The following CEP104 variants were observed in gnomAD, a reference collection of about 807,000 sequenced individuals.
CEP104 encodes the protein centrosomal protein of 104 kDa.
A neutral mutation model predicts 113.3 loss-of-function variants in CEP104; 84 were observed. That is an observed-to-expected ratio of 0.74 (90% CI 0.62 to 0.89). The LOEUF (loss-of-function observed/expected upper bound fraction) is 0.89, where lower values mean the gene tolerates loss of function less well. CEP104 is among the 40% of genes least tolerant of loss of function. The pLI, the probability that CEP104 is intolerant of heterozygous loss-of-function variation, is 0.00. For synonymous variants in CEP104, 378 were observed against 421.7 expected (o/e 0.90, Z 1.27); for missense variants, 1,053 against 1,156.6 (o/e 0.91, Z 1.30).
At chr1:3,821,890 A>G (rs1643980867) in intron 20 of CEP104, among the ~76,000 whole-genome samples, 2 of 152,204 alleles carry the variant, frequency 1.3e-5, no homozygotes, top group Admixed American at 6.5e-5. Context: ...CCAACCAGGC[A>G]CCGGGGCCTT....
At position 3,848,660 on chromosome 1, in the gene CEP104, T is replaced by C; in HGVS notation, c.235A>G (p.Ser79Gly). 6.2e-7 allele frequency: 1 copy of C among 1,613,824 alleles called. No homozygotes were observed. The change falls in exon 3 of 22, where the codon AGC (serine) becomes GGC (glycine). Residue 79 changes from serine to glycine, a missense_variant. Coordinates refer to ENST00000378230, the MANE Select transcript of CEP104 (RefSeq NM_014704.4). ...SSKIEFYISE[S>G]LPEYFAPYQA... is the part of the protein sequence containing the mutation. The stretch of plus-strand genomic sequence containing the variant: ...TAGGGTGCAAAATATTCAGGCAAGC[T>C]TTCACTAATGTAGAACTCAATTTTA...
intron 17 of CEP104, 77 bp downstream of exon 17, chr1:3,826,293 C>T (rs1012194349): frequency 6.2e-5 from 78 of 1,265,176 alleles, no homozygotes; most frequent in South Asian, 1.4e-4. Flanking sequence ...CTAGGGAGGA[C>T]GCATTCCCTT....
At chr1:3,839,464 G>T in intron 7 of CEP104, 144 bp downstream of exon 7, 2 of 769,506 alleles carry the variant, frequency 2.6e-6, no homozygotes, top group Non-Finnish European at 4.2e-6. Context: ...ATCTGTCTCC[G>T]TAACTTTATT....
intron 7 of CEP104, 139 bp from the exon 8 acceptor site, chr1:3,839,258 A>T (rs1644370991): frequency 1.3e-6 from 1 of 769,018 alleles, no homozygotes; most frequent in South Asian, 1.6e-5. Context: ...AATGGGCCAC[A>T]CTCAGCAAAG....
Position 3,814,415 on chromosome 1 carries a change from T to C in CEP104, c.*987A>G, listed in dbSNP as rs972410894. The C allele has an allele frequency of 7.9e-5, 12 of 152,282 alleles. No individual in the cohort carries two copies. The highest frequency in any genetic ancestry group is 2.9e-4 in the African/African-American group (12 of 41,472). 9.4% of individuals were successfully genotyped at this position (152,282 alleles called of 1,614,324 possible). On this transcript the variant is annotated 3_prime_UTR_variant, in exon 22 of 22. Coordinates refer to ENST00000378230, the MANE Select transcript of CEP104 (RefSeq NM_014704.4). ...TTTTTGAGGGTTGGTTTCATCATTT[T>C]AAGCAATGTGTTGATGTTTTAAACA...
intron 16 of CEP104, 64 bp downstream of exon 16, chr1:3,826,644 T>C (rs1340259943): frequency 3.8e-6 from 6 of 1,567,748 alleles, no homozygotes; most frequent in Non-Finnish European, 8.8e-7. Context: ...TTCCATGACA[T>C]GCATTTACAC....
At chr1:3,825,628 G>A in intron 18 of CEP104, 130 bp downstream of exon 18, 1 of 653,364 alleles carries the variant, frequency 1.5e-6, no homozygotes. Context: ...TGTGTGCTTG[G>A]CTTCAGTTAC....
chr1:3,854,635 A>ATTT (rs34466194), intron 1 of CEP104, among the ~76,000 whole-genome samples: 1 of 126,116 alleles, frequency 7.9e-6, no homozygotes, highest in Non-Finnish European at 1.6e-5. Context: ...TGCCTGGCTA[A>ATTT]TTTTTTTTTT....
At chr1:3,820,143 T>G (rs1192929228) in intron 20 of CEP104, among the ~76,000 whole-genome samples, 3 of 152,090 alleles carry the variant, frequency 2.0e-5, no homozygotes, top group Non-Finnish European at 2.9e-5. Context: ...ACACATGAGA[T>G]ACGCCTGGTG....
chr1:3,826,733 ACTTT>A lies in CEP104; in HGVS notation c.2159_2162del (p.Glu720ValfsTer4). 6.2e-7 allele frequency: 1 copy of A among 1,614,102 alleles called. No individual in the cohort carries two copies. The highest frequency in any genetic ancestry group is 8.5e-7 in the Non-Finnish European group (1 of 1,179,976). On this transcript the variant is annotated frameshift_variant, in exon 16 of 22. Coordinates refer to ENST00000378230, the MANE Select transcript of CEP104 (RefSeq NM_014704.4). LOFTEE classifies it high-confidence loss of function. ...CCTGATTCTTTGGCTTCACAGCATC[ACTTT>A]CTTTTTCCTAAGACACAGAAACAGT...
intron 20 of CEP104, among the ~76,000 whole-genome samples, chr1:3,818,614 C>T (rs1643915826): frequency 6.6e-6 from 1 of 152,264 alleles, no homozygotes; most frequent in Admixed American, 6.5e-5. Flanking sequence ...CGCTCAAACC[C>T]TGCAGGGACA....
At position 3,837,478 on chromosome 1, in the gene CEP104, A is replaced by G; in HGVS notation, c.933T>C (p.Arg311=). ...PFDLPLQPLA[R]SGSPCHQKPM... Reference sequence around the variant, plus strand: ...GCTTTTGGTGGCAAGGACTGCCAGAACGAGCGAGGGGCTGGAGGGGCAAAT... The same window carrying G: ...GCTTTTGGTGGCAAGGACTGCCAGAGCGAGCGAGGGGCTGGAGGGGCAAAT... Residue 311 remains arginine, a synonymous_variant, in exon 9 of 22, where the codon CGT becomes CGC. Transcript: ENST00000378230. The G allele has an allele frequency of 6.2e-7, 1 of 1,614,272 alleles. No individual in the cohort carries two copies. The highest frequency in any genetic ancestry group is 1.1e-5 in the South Asian group (1 of 91,088).
intron 18 of CEP104, among the ~76,000 whole-genome samples, chr1:3,824,285 C>T (rs1406433311): frequency 3.9e-5 from 6 of 152,162 alleles, no homozygotes; most frequent in Non-Finnish European, 8.8e-5. Flanking sequence ...GGGGTTTCTC[C>T]GTGTTGGTCA....
At position 3,829,378 on chromosome 1, in the gene CEP104, T is replaced by A; in HGVS notation, c.2044-5A>T. 17 of 1,605,146 alleles carry A rather than the reference T, an allele frequency of 1.1e-5. No individual in the cohort carries two copies. The highest frequency in any genetic ancestry group is 1.4e-5 in the Non-Finnish European group (17 of 1,176,872). ...TGTAGCCGCTTTTCTCCGTGCCTGG[T>A]AAGAAAATTATTTTTCCATTAGAAC... On this transcript the variant is annotated splice_region_variant and splice_polypyrimidine_tract_variant and intron_variant, in intron 14 of 21. Coordinates refer to ENST00000378230, the MANE Select transcript of CEP104 (RefSeq NM_014704.4).
At position 3,819,185 on chromosome 1, in the gene CEP104, G is replaced by A. The variant is rs992369787; in HGVS notation, c.2572-2815C>T. 1.3e-5 allele frequency among the ~76,000 whole-genome samples: 2 copies of A among 152,158 alleles called. No homozygotes were observed. Among genetic ancestry groups the A allele is most frequent in the African/African-American group, 2.4e-5 (1 of 41,426 alleles). ...GCTACTGATCTATTAGAACCCGGGC[G>A]AACCTTGAAAACACGTTAAGTCAAA... is the stretch of plus-strand genomic sequence containing the variant. On this transcript the variant is annotated intron_variant, in intron 20 of 21. Transcript: ENST00000378230. The surrounding 1 kb of genome is among the most constrained non-coding windows in gnomAD (Gnocchi z 4.6).
intron 1 of CEP104, among the ~76,000 whole-genome samples, chr1:3,856,522 C>A (rs1644733802): frequency 6.6e-6 from 1 of 152,240 alleles, no homozygotes; most frequent in African/African-American, 2.4e-5. Context: ...AGGGACAGAG[C>A]AATTTTCCTC....
rs1643818267 is a variant in CEP104 at position 3,812,873 on chromosome 1, A to C, written c.*2529T>G. The C allele has an allele frequency of 1.3e-5, 2 of 152,036 alleles. No homozygotes were observed. The highest frequency in any genetic ancestry group is 2.9e-5 in the Non-Finnish European group (2 of 68,022). The allele number at this position is 152,036 out of a possible 1,614,324, so 9.4% of individuals were successfully genotyped here. A position where few individuals can be genotyped will look rare whatever the true frequency, so the allele number is the denominator to read the frequency against. ...CCACCCCCGCAAAACAAAAACAAAA[A>C]CAAAAAAACAACAAAAAAACCCCCT... On this transcript the variant is annotated 3_prime_UTR_variant, in exon 22 of 22. Transcript: ENST00000378230.
intron 6 of CEP104, chr1:3,843,379 T>C (rs1644449644): frequency 7.6e-5 from 34 of 449,974 alleles, no homozygotes; most frequent in East Asian, 4.5e-4. Context: ...ATGTATAATT[T>C]TTTTTTTTTT....
Position 3,826,401 on chromosome 1 carries a change from G to A in CEP104, c.2224C>T (p.Leu742=). Residue 742 remains leucine (L), a synonymous_variant, in exon 17 of 22, where the codon CTG becomes TTG. Transcript: ENST00000378230. The part of the protein sequence containing the change: ...QGGKAAPAEA[L]GIPDEHYLDN... ...AGATAGTGCTCATCCGGGATTCCCA[G>A]AGCTTCAGCAGGGGCTGCTTTCCCT... The A allele has an allele frequency of 6.2e-7, 1 of 1,614,108 alleles. No individual in the cohort carries two copies. Among genetic ancestry groups the A allele is most frequent in the Non-Finnish European group, 8.5e-7 (1 of 1,179,956 alleles).
Sources: allele counts gnomAD v4.1 joint callset (sites outside exome capture counted in the v4.1 genomes callset), GRCh38; gene constraint gnomAD v4.1.1; non-coding constraint Gnocchi (gnomAD v3.1); transcripts MANE v1.5; gene names NCBI Gene and HGNC (gene_info 2026-07-23, HGNC 2026-07-21).